DLGAP1: variants seen among roughly 807,000 people sequenced by gnomAD.
DLGAP1 encodes the protein disks large-associated protein 1.
A neutral mutation model predicts 90.8 loss-of-function variants in DLGAP1; 11 were observed. The observed-to-expected ratio is 0.12, with a 90% CI of 0.08 to 0.20. The LOEUF (loss-of-function observed/expected upper bound fraction) is 0.20. Among genes scored for constraint, DLGAP1 ranks in the 10% least tolerant of loss-of-function variants. The pLI is 1.00. For missense variants in DLGAP1, 1,050 were observed against 1,333.8 expected (o/e 0.79, Z 3.31); for synonymous variants, 558 against 540.7 (o/e 1.03, Z -0.44).
At chr18:3,576,845 C>T (rs972144666) in intron 8 of DLGAP1, among the ~76,000 whole-genome samples, 3 of 143,884 alleles carry the variant, frequency 2.1e-5, no homozygotes, top group Non-Finnish European at 3.0e-5. Context: ...GGATTACAGG[C>T]GTGAGCCACT....
At chr18:3,765,343 G>GATGGTCTCGA (rs1422092573) in intron 5 of DLGAP1, among the ~76,000 whole-genome samples, 1 of 150,188 alleles carries the variant, frequency 6.7e-6, no homozygotes, top group Non-Finnish European at 1.5e-5. Flanking sequence ...TGTTAGCCAG[G>GATGGTCTCGA]ATGGTCTCGA....
At position 3,773,829 on chromosome 18, in the gene DLGAP1, C is replaced by G. The variant is rs559887527; in HGVS notation, c.1173-31317G>C. 7.2e-5 allele frequency among the ~76,000 whole-genome samples: 11 copies of G among 152,314 alleles called. No homozygotes were observed. The South Asian group carries it at 2.3e-3, about 32-fold the overall frequency. ...TATATTAGAGGGAAATGGATATAAA[C>G]TTTCTGCTAATATTTCCAGGTAGCC... On this transcript the variant is annotated intron_variant, in intron 5 of 12. Coordinates refer to ENST00000315677, the MANE Select transcript of DLGAP1 (RefSeq NM_004746.4).
At chr18:4,149,432 A>C (rs2076636909) in intron 2 of DLGAP1, among the ~76,000 whole-genome samples, 1 of 152,208 alleles carries the variant, frequency 6.6e-6, no homozygotes, top group Non-Finnish European at 1.5e-5. Context: ...ATTTAGAATA[A>C]AGTAAAAGGA....
At chr18:3,618,893 C>T (rs1203631063) in intron 7 of DLGAP1, among the ~76,000 whole-genome samples, 2 of 149,834 alleles carry the variant, frequency 1.3e-5, no homozygotes, top group South Asian at 2.1e-4. Context: ...GAGCCGAGAT[C>T]GTGTCACTGC....
chr18:4,405,099 A>C (rs539425707), intron 1 of DLGAP1, among the ~76,000 whole-genome samples: 1 of 152,354 alleles, frequency 6.6e-6, no homozygotes, highest in African/African-American at 2.4e-5. Context: ...ATTCACATTC[A>C]TAAGTGAGGT....
At chr18:3,990,634 A>G (rs961610010) in intron 3 of DLGAP1, among the ~76,000 whole-genome samples, 1 of 138,376 alleles carries the variant, frequency 7.2e-6, no homozygotes, top group Non-Finnish European at 1.6e-5. Context: ...AAAATATAAT[A>G]ATAATAATAA....
At chr18:4,004,246 G>T (rs1163782383) in intron 3 of DLGAP1, among the ~76,000 whole-genome samples, 1 of 152,076 alleles carries the variant, frequency 6.6e-6, no homozygotes, top group Admixed American at 6.5e-5. Flanking sequence ...TGAGGTAATT[G>T]AAACACATTT....
At chr18:4,153,676 G>C (rs1406954256) in intron 1 of DLGAP1, among the ~76,000 whole-genome samples, 1 of 152,106 alleles carries the variant, frequency 6.6e-6, no homozygotes, top group Non-Finnish European at 1.5e-5. Context: ...ACAGATGAAA[G>C]GTGAAAAACA....
At chr18:3,819,679 A>G in intron 4 of DLGAP1, among the ~76,000 whole-genome samples, 1 of 152,330 alleles carries the variant, frequency 6.6e-6, no homozygotes, top group South Asian at 2.1e-4. Flanking sequence ...AGAGAAACTG[A>G]GGTCAGGAGA....
At chr18:3,619,570 T>C (rs148007558) in intron 7 of DLGAP1, among the ~76,000 whole-genome samples, 303 of 152,234 alleles carry the variant, frequency 2.0e-3, no homozygotes, top group African/African-American at 7.1e-3. Context: ...CCCTTCCCTC[T>C]TCTAGCCGCC....
intron 1 of DLGAP1, among the ~76,000 whole-genome samples, chr18:4,369,580 C>T (rs896260072): frequency 1.3e-5 from 2 of 151,786 alleles, no homozygotes; most frequent in Non-Finnish European, 2.9e-5. Context: ...TACTGAATAG[C>T]CAGGTACGCA....
At chr18:4,018,423 A>G (rs1480884617) in intron 2 of DLGAP1, among the ~76,000 whole-genome samples, 1 of 152,218 alleles carries the variant, frequency 6.6e-6, no homozygotes, top group African/African-American at 2.4e-5. Context: ...GGCCAAAGGC[A>G]ATTTTCCAGA....
At chr18:4,122,571 G>A (rs1462987258) in intron 2 of DLGAP1, among the ~76,000 whole-genome samples, 1 of 152,138 alleles carries the variant, frequency 6.6e-6, no homozygotes, top group Non-Finnish European at 1.5e-5. Context: ...TGCACTGTTA[G>A]GACTTTCTAA....
In DLGAP1 at chr18:3,528,313, G is replaced by A. The variant is rs1017124454; in HGVS notation, c.2479+5881C>T. Among the ~76,000 whole-genome samples the A allele has an allele frequency of 2.6e-5, 4 of 152,178 alleles. 1 individual carries two copies. The highest frequency in any genetic ancestry group is 6.5e-5 in the Admixed American group (1 of 15,270). On this transcript the variant is annotated intron_variant, in intron 10 of 12. Coordinates refer to ENST00000315677, the MANE Select transcript of DLGAP1 (RefSeq NM_004746.4). ...CTTAGAATTTGGCTATGCCTGCCAA[G>A]TGGGATTGGCCTCTCTTCCTTACCG... is the stretch of plus-strand genomic sequence containing the variant.
rs1568515478 is a variant in DLGAP1, at chr18:4,326,376, C to T, written c.-267+128630G>A. Among the ~76,000 whole-genome samples, 7 of 152,000 alleles carry T rather than the reference C, an allele frequency of 4.6e-5. 1 individual carries two copies. On this transcript the variant is annotated intron_variant, in intron 1 of 12. Coordinates refer to ENST00000315677, the MANE Select transcript of DLGAP1 (RefSeq NM_004746.4). ...ATCCTGGCAAGGTTGTCGAGAAAAA[C>T]GAACACTTATACCCAAGGAGTGTAA... is the stretch of plus-strand genomic sequence containing the variant.
At chr18:4,240,118 T>C (rs1293336069) in intron 1 of DLGAP1, among the ~76,000 whole-genome samples, 1 of 152,170 alleles carries the variant, frequency 6.6e-6, no homozygotes, top group Non-Finnish European at 1.5e-5. Flanking sequence ...TGCAAACTGG[T>C]TTTCAGATTC....
At chr18:4,304,549 A>G (rs1263288464) in intron 1 of DLGAP1, among the ~76,000 whole-genome samples, 1 of 152,226 alleles carries the variant, frequency 6.6e-6, no homozygotes, top group Non-Finnish European at 1.5e-5. Context: ...ACTACTGCAG[A>G]TTTTACACAT....
At chr18:3,990,425 A>C in intron 3 of DLGAP1, among the ~76,000 whole-genome samples, 1 of 146,286 alleles carries the variant, frequency 6.8e-6, no homozygotes, top group Non-Finnish European at 1.5e-5. Flanking sequence ...ATAGGTGGGA[A>C]TCGAACAATG....
intron 9 of DLGAP1, among the ~76,000 whole-genome samples, chr18:3,552,496 C>G (rs1402015895): frequency 1.3e-5 from 2 of 152,164 alleles, no homozygotes; most frequent in Non-Finnish European, 2.9e-5. Context: ...GGTCAGCCCT[C>G]CACAATGGAC....
Sources: gnomAD v4.1 joint callset for allele counts (sites outside exome capture counted in the v4.1 genomes callset) on GRCh38, gnomAD v4.1.1 for gene constraint, MANE v1.5 for transcripts, NCBI Gene and HGNC (gene_info 2026-07-23, HGNC 2026-07-21) for gene names.